The following PPP6R2 variants were observed in gnomAD, a reference collection of about 807,000 sequenced individuals.
PPP6R2 encodes protein phosphatase 6 regulatory subunit 2, also known as serine/threonine-protein phosphatase 6 regulatory subunit 2.
Under a neutral mutation model 100.2 loss-of-function variants are expected in PPP6R2, and 62 were observed. The observed-to-expected ratio is 0.62, with a 90% CI of 0.50 to 0.76. The LOEUF is 0.76. Among genes scored for constraint, PPP6R2 ranks in the 30% least tolerant of loss-of-function variants. The pLI, the probability that PPP6R2 is intolerant of heterozygous loss-of-function variation, is 0.00. For missense variants in PPP6R2, 1,142 were observed against 1,276.3 expected (o/e 0.89, Z 1.60); for synonymous variants, 525 against 514.7 (o/e 1.02, Z -0.27).
upstream of PPP6R2, among the ~76,000 whole-genome samples, chr22:50,343,003 C>G (rs553334604): frequency 1.3e-5 from 2 of 152,324 alleles, no homozygotes; most frequent in Non-Finnish European, 2.9e-5. Flanking sequence ...AGGTGTGTGT[C>G]TCTCAAATGC....
intron 4 of PPP6R2, among the ~76,000 whole-genome samples, chr22:50,412,630 CTTTTTTTTTTTTTTTTTTT>C (rs398037412): frequency 3.8e-5 from 3 of 79,866 alleles, no homozygotes; most frequent in Non-Finnish European, 6.6e-5. Context: ...TAAATAAGTC[CTTTTTTTTTTTTTTTTTTT>C]TTTTTTTTTT....
intron 1 of PPP6R2, among the ~76,000 whole-genome samples, chr22:50,369,983 A>C (rs1372954779): frequency 1.4e-5 from 2 of 147,876 alleles, no homozygotes; most frequent in Non-Finnish European, 3.0e-5. Flanking sequence ...TCCAGCACTT[A>C]AGTGATCCTC....
In PPP6R2 at chr22:50,414,565, T is replaced by C. The variant is rs1569452574; in HGVS notation, c.428T>C (p.Leu143Ser). Reference protein sequence around the residue: ...ARKTEQVITFLKKKDKFISLV... With the variant: ...ARKTEQVITFSKKKDKFISLV... ...GTGTGATTTCAGGTGATTACGTTTTTGAAGAAGAAGGACAAGTTCATCAGC... is the reference window on the plus strand; with the variant it reads ...GTGTGATTTCAGGTGATTACGTTTTCGAAGAAGAAGGACAAGTTCATCAGC... Residue 143 changes from leucine to serine, a missense_variant, in exon 5 of 24, where the codon TTG (leucine) becomes TCG (serine). Coordinates refer to ENST00000612753, the MANE Select transcript of PPP6R2 (RefSeq NM_001242898.2). 1 of 1,613,988 alleles carries C rather than the reference T, an allele frequency of 6.2e-7. No individual in the cohort carries two copies. The highest frequency in any genetic ancestry group is 8.5e-7 in the Non-Finnish European group (1 of 1,179,922).
intron 1 of PPP6R2, among the ~76,000 whole-genome samples, chr22:50,366,672 G>C (rs115553451): frequency 6.6e-6 from 1 of 152,180 alleles, no homozygotes; most frequent in Admixed American, 6.5e-5. Context: ...ACTGATCAGT[G>C]CTTGGCTGGA....
At chr22:50,375,632 G>C (rs2051329550) in intron 2 of PPP6R2, among the ~76,000 whole-genome samples, 2 of 151,862 alleles carry the variant, frequency 1.3e-5, no homozygotes, top group Non-Finnish European at 2.9e-5. Context: ...GATGAAAAGG[G>C]AAAAAAACCT....
At chr22:50,415,270 T>C (rs1405420069) in intron 5 of PPP6R2, among the ~76,000 whole-genome samples, 1 of 152,240 alleles carries the variant, frequency 6.6e-6, no homozygotes, top group Non-Finnish European at 1.5e-5. Flanking sequence ...AAGTTTAAAA[T>C]AGAGTAGAGT....
At chr22:50,386,461 T>C (rs921365287) in intron 2 of PPP6R2, among the ~76,000 whole-genome samples, 2 of 152,278 alleles carry the variant, frequency 1.3e-5, no homozygotes, top group Admixed American at 6.5e-5. Context: ...ACATGAGTTT[T>C]GGAGTGGTTA....
Position 50,412,631 on chromosome 22 carries a change from T to G in PPP6R2, c.415-1921T>G, listed in dbSNP as rs1342343408. 6.9e-4 allele frequency among the ~76,000 whole-genome samples: 20 copies of G among 28,992 alleles called. No homozygotes were observed. The East Asian group carries it at 0.069, about 100-fold the overall frequency. The allele number at this position is 28,992 out of a possible 152,430, so 19.0% of individuals were successfully genotyped here. ...GTTTCTTGTCAGTTTAAATAAGTCC[T>G]TTTTTTTTTTTTTTTTTTTTTTTTT... On this transcript the variant is annotated intron_variant, in intron 4 of 23. Coordinates refer to ENST00000612753, the MANE Select transcript of PPP6R2 (RefSeq NM_001242898.2).
chr22:50,362,126 A>T (rs548365603), intron 1 of PPP6R2, among the ~76,000 whole-genome samples: 1 of 152,288 alleles, frequency 6.6e-6, no homozygotes, highest in South Asian at 2.1e-4. Flanking sequence ...ATTGGGCTCC[A>T]GGAAGGGGAG....
At chr22:50,348,967 G>A (rs1448055662) in intron 1 of PPP6R2, among the ~76,000 whole-genome samples, 1 of 151,988 alleles carries the variant, frequency 6.6e-6, no homozygotes, top group African/African-American at 2.4e-5. Flanking sequence ...TGAGGCGGGC[G>A]GATCACCTGA....
At chr22:50,402,097 GT>G (rs1228171979) in intron 3 of PPP6R2, among the ~76,000 whole-genome samples, 3 of 151,994 alleles carry the variant, frequency 2.0e-5, no homozygotes, top group Non-Finnish European at 4.4e-5. Context: ...CGTGTGCCTT[GT>G]TTTCTGCTTG....
At chr22:50,349,195 C>G (rs1311876206) in intron 1 of PPP6R2, among the ~76,000 whole-genome samples, 1 of 61,678 alleles carries the variant, frequency 1.6e-5, no homozygotes, top group Non-Finnish European at 3.1e-5. Context: ...GACTTCCTCT[C>G]AAAAAAAAAA....
chr22:50,355,571 AG>A (rs1332920889), intron 1 of PPP6R2, among the ~76,000 whole-genome samples: 8 of 145,872 alleles, frequency 5.5e-5, no homozygotes, highest in African/African-American at 2.1e-4. Flanking sequence ...CCCAGGCTGG[AG>A]TGCAGTGGTG....
At chr22:50,350,133 G>A (rs942086173) in intron 1 of PPP6R2, among the ~76,000 whole-genome samples, 3 of 151,814 alleles carry the variant, frequency 2.0e-5, no homozygotes, top group African/African-American at 7.3e-5. Context: ...GAAAAAAAAA[G>A]AAACCATTTT....
At chr22:50,441,538 C>T (rs926762713) in intron 22 of PPP6R2, among the ~76,000 whole-genome samples, 8 of 152,162 alleles carry the variant, frequency 5.3e-5, no homozygotes, top group African/African-American at 1.4e-4. Context: ...CCTATGATTC[C>T]GAGACGCCTC....
At position 50,423,995 on chromosome 22, in the gene PPP6R2, C is replaced by T. The variant is rs2061663250; in HGVS notation, c.1125+381C>T. On this transcript the variant is annotated intron_variant, in intron 10 of 23. Transcript: ENST00000612753. The surrounding 1 kb of genome is among the most constrained non-coding windows in gnomAD (Gnocchi z 4.8). ...CTAAAAGAGAAGCTCCTGTCGTCCA[C>T]AGTAGAAGGCCAACCTGGCAGTTTT... Among the ~76,000 whole-genome samples the T allele has an allele frequency of 6.6e-6, 1 of 152,256 alleles. No homozygotes were observed. The highest frequency in any genetic ancestry group is 1.5e-5 in the Non-Finnish European group (1 of 68,048).
intron 3 of PPP6R2, among the ~76,000 whole-genome samples, chr22:50,398,022 G>A (rs917123590): frequency 6.6e-6 from 1 of 152,188 alleles, no homozygotes; most frequent in South Asian, 2.1e-4. Flanking sequence ...TAAAGCACGT[G>A]CACATATCAC....
intron 2 of PPP6R2, among the ~76,000 whole-genome samples, chr22:50,384,319 G>A (rs1569353366): frequency 6.6e-6 from 1 of 152,122 alleles, no homozygotes; most frequent in Non-Finnish European, 1.5e-5. Flanking sequence ...AGTCTGGGAG[G>A]CTGAGGTGGG....
intron 1 of PPP6R2, among the ~76,000 whole-genome samples, chr22:50,358,323 T>A (rs1197592822): frequency 6.6e-6 from 1 of 152,210 alleles, no homozygotes; most frequent in Non-Finnish European, 1.5e-5. Context: ...CAGAACATTT[T>A]AATTTGGATA....
Sources: gnomAD v4.1 joint callset for allele counts (sites outside exome capture counted in the v4.1 genomes callset) on GRCh38, gnomAD v4.1.1 for gene constraint, Gnocchi (gnomAD v3.1) non-coding constraint, MANE v1.5 for transcripts, NCBI Gene and HGNC (gene_info 2026-07-23, HGNC 2026-07-21) for gene names.